ECPAS: variants seen among roughly 807,000 people sequenced by gnomAD.
ECPAS encodes proteasome adapter and scaffold protein ECM29.
A neutral mutation model predicts 255.1 loss-of-function variants in ECPAS; 70 were observed. The ratio of observed to expected loss-of-function variants is 0.27; its 90% confidence interval spans 0.23 to 0.33. ECPAS has a LOEUF of 0.33. Ranked by LOEUF, ECPAS falls within the 10% of genes least tolerant of loss-of-function variation. ECPAS has a pLI of 1.00. For missense variants in ECPAS, 1,817 were observed against 2,206.4 expected, an observed-to-expected ratio of 0.82 and a Z score of 3.54; for synonymous variants, 784 against 775.0, an observed-to-expected ratio of 1.01 and a Z score of -0.19.
At chr9:111,438,466 G>A (rs994373470) in intron 6 of ECPAS, among the ~76,000 whole-genome samples, 1 of 152,068 alleles carries the variant, frequency 6.6e-6, no homozygotes, top group African/African-American at 2.4e-5. Context: ...AAATTAGCTG[G>A]GTGTGGTGGT....
At chr9:111,418,304 C>G (rs969950742) in intron 16 of ECPAS, among the ~76,000 whole-genome samples, 5 of 152,070 alleles carry the variant, frequency 3.3e-5, no homozygotes, top group African/African-American at 1.2e-4. Context: ...TATGCTTTAC[C>G]TCGTAGAGTT....
intron 3 of ECPAS, 25 bp downstream of exon 3, chr9:111,451,400 C>A: frequency 1.3e-6 from 2 of 1,552,066 alleles, no homozygotes; most frequent in Non-Finnish European, 1.7e-6. Flanking sequence ...TCATTTAATT[C>A]CCCCAGCTGT....
intron 2 of ECPAS, among the ~76,000 whole-genome samples, chr9:111,459,082 G>C (rs2098270255): frequency 6.6e-6 from 1 of 151,896 alleles, no homozygotes; most frequent in Admixed American, 6.6e-5. Flanking sequence ...TCTAGTGGAG[G>C]GCTATGCCCT....
At position 111,366,279 on chromosome 9, in the gene ECPAS, T is replaced by C. The variant is rs1288301410; in HGVS notation, c.5268A>G (p.Glu1756=). 1 of 1,578,886 alleles carries C rather than the reference T, an allele frequency of 6.3e-7. No homozygotes were observed. The highest frequency in any genetic ancestry group is 1.2e-5 in the South Asian group (1 of 85,924). Residue 1756 remains glutamate (E), a synonymous_variant, in exon 48 of 50, where the codon GAA becomes GAG. Coordinates refer to ENST00000684092, the MANE Select transcript of ECPAS (RefSeq NM_001364929.1). ...TTGATTTACAAGTTTCAAGCAGAAT[T>C]TCAGCCAAAGCCTCAGGATCGGCAT... ...EEHADPEALA[E]ILLETCKSIT... is the part of the protein sequence containing the mutation.
chr9:111,481,194 T>C (rs867084030), intron 1 of ECPAS, among the ~76,000 whole-genome samples: 11 of 152,182 alleles, frequency 7.2e-5, no homozygotes, highest in African/African-American at 2.7e-4. Context: ...GTACAACCAC[T>C]GTCAAAAACA....
chr9:111,411,794 C>T (rs2098194888), intron 21 of ECPAS: 1 of 432,526 alleles, frequency 2.3e-6, no homozygotes, highest in Non-Finnish European at 4.0e-6. Flanking sequence ...AATCACTGTA[C>T]TCCTAGCACC....
At chr9:111,481,110 G>A (rs1003069180) in intron 1 of ECPAS, among the ~76,000 whole-genome samples, 1 of 152,216 alleles carries the variant, frequency 6.6e-6, no homozygotes, top group African/African-American at 2.4e-5. Flanking sequence ...GGTTACTACT[G>A]ACAATATAGA....
chr9:111,367,213 G>A (rs1410399851), intron 46 of ECPAS, among the ~76,000 whole-genome samples: 1 of 152,158 alleles, frequency 6.6e-6, no homozygotes, highest in African/African-American at 2.4e-5. Flanking sequence ...TTTAATTACT[G>A]TAGGATTTAG....
intron 26 of ECPAS, 115 bp from the exon 27 acceptor site, chr9:111,393,849 C>A (rs940303516): frequency 2.7e-4 from 216 of 791,098 alleles, no homozygotes; most frequent in Middle Eastern, 9.4e-4. Context: ...CAGTTACAAT[C>A]GCTGTTTTGC....
chr9:111,469,763 C>T lies in ECPAS; in HGVS notation c.22+3134G>A, dbSNP rs181624436. On this transcript the variant is annotated intron_variant, in intron 2 of 49. Transcript: ENST00000684092. Reference sequence around the variant, plus strand: ...GGTGGAGCTTGCAGTGAGCCGAGATCGCGCCACTGCACTCCAGCCTGAGTG... The same window carrying T: ...GGTGGAGCTTGCAGTGAGCCGAGATTGCGCCACTGCACTCCAGCCTGAGTG... 3.7e-3 allele frequency among the ~76,000 whole-genome samples: 561 copies of T among 151,672 alleles called. 7 individuals are homozygous for T. The highest frequency in any genetic ancestry group is 0.013 in the African/African-American group (519 of 41,308).
At chr9:111,472,587 C>A (rs147755296) in intron 2 of ECPAS, among the ~76,000 whole-genome samples, 1 of 151,702 alleles carries the variant, frequency 6.6e-6, no homozygotes, top group East Asian at 1.9e-4. Context: ...CTACAATGAG[C>A]CATGACTGCC....
At chr9:111,476,393 G>T (rs1431697353) in intron 1 of ECPAS, among the ~76,000 whole-genome samples, 2 of 152,062 alleles carry the variant, frequency 1.3e-5, no homozygotes, top group African/African-American at 4.8e-5. Flanking sequence ...GTCTTGCATT[G>T]AATTTCATTT....
Position 111,433,389 on chromosome 9 carries a change from G to A in ECPAS, c.709-17C>T, listed in dbSNP as rs746501315. The A allele has an allele frequency of 5.6e-6, 9 of 1,613,694 alleles. No individual in the cohort carries two copies. In the Admixed American group the frequency reaches 8.3e-5, roughly 15 times the overall value. On this transcript the variant is annotated splice_polypyrimidine_tract_variant and intron_variant, in intron 7 of 49. Coordinates refer to ENST00000684092, the MANE Select transcript of ECPAS (RefSeq NM_001364929.1). ...CAATTTGCACTGTAGATAAATGAAG[G>A]GAAGGAGAAAGAACAGTCAGGGGAG...
intron 4 of ECPAS, among the ~76,000 whole-genome samples, chr9:111,443,273 C>G (rs1036885559): frequency 6.6e-6 from 1 of 152,156 alleles, no homozygotes; most frequent in African/African-American, 2.4e-5. Context: ...TCCCCCAAGA[C>G]AGAGTCTCGC....
rs942401451 is a variant in ECPAS at position 111,413,467 on chromosome 9, G to A, written c.2079+428C>T. 7.2e-5 allele frequency among the ~76,000 whole-genome samples: 11 copies of A among 152,086 alleles called. No individual in the cohort carries two copies. In the East Asian group the frequency reaches 1.2e-3, roughly 16 times the overall value. ...CATGTTTTTATGTGTATGTACATAA[G>A]TAAACTCTAGAAAGCATGCCATATA... On this transcript the variant is annotated intron_variant, in intron 20 of 49. Coordinates refer to ENST00000684092, the MANE Select transcript of ECPAS (RefSeq NM_001364929.1).
chr9:111,460,717 G>A (rs1249102288), intron 2 of ECPAS, among the ~76,000 whole-genome samples: 3 of 151,994 alleles, frequency 2.0e-5, no homozygotes, highest in Admixed American at 2.0e-4. Flanking sequence ...CGAATAGCTG[G>A]GAATTAATCT....
rs1015064924 is a variant in ECPAS, at chr9:111,376,885, T to C, written c.3955-344A>G. On this transcript the variant is annotated intron_variant, in intron 36 of 49. Coordinates refer to ENST00000684092, the MANE Select transcript of ECPAS (RefSeq NM_001364929.1). Reference sequence around the variant, plus strand: ...CAAATTTCTAAGGTTTTTAAAATTGTGTCTAAGCAGTAGAAAATTTTATAC... The same window carrying C: ...CAAATTTCTAAGGTTTTTAAAATTGCGTCTAAGCAGTAGAAAATTTTATAC... 9.2e-5 allele frequency among the ~76,000 whole-genome samples: 14 copies of C among 152,226 alleles called. 1 individual carries two copies. Among genetic ancestry groups the C allele is most frequent in the Non-Finnish European group, 1.9e-4 (13 of 68,040 alleles).
intron 36 of ECPAS, among the ~76,000 whole-genome samples, chr9:111,377,014 A>C (rs1436519566): frequency 6.6e-6 from 1 of 152,228 alleles, no homozygotes; most frequent in Non-Finnish European, 1.5e-5. Flanking sequence ...ATGATAAGGG[A>C]GAAAAGTAAG....
chr9:111,435,672 A>G (rs1055922410), intron 7 of ECPAS, among the ~76,000 whole-genome samples: 2 of 150,550 alleles, frequency 1.3e-5, no homozygotes, highest in Non-Finnish European at 3.0e-5. Flanking sequence ...GAGTAGCTTC[A>G]GTAAATCTTT....
Sources: allele counts gnomAD v4.1 joint callset (sites outside exome capture counted in the v4.1 genomes callset), GRCh38; gene constraint gnomAD v4.1.1; transcripts MANE v1.5; gene names NCBI Gene and HGNC (gene_info 2026-07-23, HGNC 2026-07-21).